PDE1A: variants seen among roughly 807,000 people sequenced by gnomAD.
The protein encoded by PDE1A is phosphodiesterase 1A.
A neutral mutation model predicts 61.7 loss-of-function variants in PDE1A; 35 were observed. The observed-to-expected ratio is 0.57, with a 90% CI of 0.43 to 0.75. The LOEUF (loss-of-function observed/expected upper bound fraction) is 0.75, where lower values mean the gene tolerates loss of function less well. PDE1A is among the 30% of genes least tolerant of loss of function. PDE1A has a pLI of 0.00. For synonymous variants in PDE1A, 232 were observed against 213.2 expected, an observed-to-expected ratio of 1.09 and a Z score of -0.77; for missense variants, 597 against 630.6, an observed-to-expected ratio of 0.95 and a Z score of 0.57.
the PDE1A span, among the ~76,000 whole-genome samples, chr2:182,570,882 G>A: frequency 5.3e-5 from 8 of 152,260 alleles, no homozygotes; most frequent in African/African-American, 1.9e-4. Context: ...GTTGCCTGTG[G>A]AGCACTGGGT....
the PDE1A span, among the ~76,000 whole-genome samples, chr2:182,627,165 AAAT>A: frequency 2.1e-4 from 7 of 33,738 alleles, 3 homozygotes; most frequent in Non-Finnish European, 3.8e-4. Flanking sequence ...TATAAAATAT[AAAT>A]AATATTTATA....
the PDE1A span, among the ~76,000 whole-genome samples, chr2:182,603,881 T>C: frequency 1.2e-3 from 181 of 152,278 alleles, 3 homozygotes; most frequent in East Asian, 0.033. Context: ...TTTAAACTCC[T>C]AAAATTTCAT....
intron 2 of PDE1A, among the ~76,000 whole-genome samples, chr2:182,484,077 G>C (rs1687863792): frequency 6.6e-6 from 1 of 151,864 alleles, no homozygotes; most frequent in Non-Finnish European, 1.5e-5. Context: ...AATCTGAATA[G>C]AACAATAAGT....
chr2:182,146,731 G>A (rs188344098), downstream of PDE1A, among the ~76,000 whole-genome samples: 19 of 152,156 alleles, frequency 1.2e-4, no homozygotes, highest in East Asian at 2.9e-3. Flanking sequence ...TGATTTGCCC[G>A]CCTTGGCCTC....
In PDE1A at chr2:182,310,780, T is replaced by C. The variant is rs116105175; in HGVS notation, c.54-46366A>G. 3.1e-3 allele frequency among the ~76,000 whole-genome samples: 470 copies of C among 152,312 alleles called. 1 individual carries two copies. The highest frequency in any genetic ancestry group is 0.024 in the South Asian group (115 of 4,822). The stretch of plus-strand genomic sequence containing the variant: ...CTGTGGCAGAGACATTGTTATGTGC[T>C]CATCAAACTCATTTCCTTCTTCTAG... On this transcript the variant is annotated intron_variant, in intron 1 of 13. Transcript: ENST00000351439.
At chr2:182,153,127 A>G (rs1690880825) in intron 13 of PDE1A, among the ~76,000 whole-genome samples, 1 of 152,320 alleles carries the variant, frequency 6.6e-6, no homozygotes, top group Admixed American at 6.5e-5. Context: ...ATTTATATGT[A>G]TATTCATCTG....
At chr2:182,300,092 T>A (rs940010010) in intron 1 of PDE1A, among the ~76,000 whole-genome samples, 5 of 152,212 alleles carry the variant, frequency 3.3e-5, no homozygotes, top group Non-Finnish European at 7.4e-5. Context: ...CAAGTTATTG[T>A]ACTTTGCAAA....
intron 13 of PDE1A, among the ~76,000 whole-genome samples, chr2:182,155,516 C>A (rs569455331): frequency 6.6e-6 from 1 of 152,244 alleles, no homozygotes; most frequent in South Asian, 2.1e-4. Flanking sequence ...ATGTATAATT[C>A]ATCTTTATAA....
Position 182,265,214 on chromosome 2 carries a change from T to C in PDE1A, c.54-800A>G, listed in dbSNP as rs183282870. Among the ~76,000 whole-genome samples, 80 of 151,330 alleles carry C rather than the reference T, an allele frequency of 5.3e-4. No individual in the cohort carries two copies. The East Asian group carries it at 7.8e-3, about 15-fold the overall frequency. ...CCAGAAATCACCACTAAAGAACTTA[T>C]CCACGTAACCAGAAACCACCTGTAC... is the stretch of plus-strand genomic sequence containing the variant. On this transcript the variant is annotated intron_variant, in intron 1 of 13. Transcript: ENST00000351439.
At chr2:182,519,907 C>T (rs1238319923) in intron 2 of PDE1A, among the ~76,000 whole-genome samples, 1 of 151,750 alleles carries the variant, frequency 6.6e-6, no homozygotes, top group Admixed American at 6.6e-5. Context: ...CAAAATAAGT[C>T]AATATATTTA....
chr2:182,201,103 CT>C (rs975685028), intron 10 of PDE1A, among the ~76,000 whole-genome samples: 4 of 152,152 alleles, frequency 2.6e-5, no homozygotes, highest in African/African-American at 9.7e-5. Flanking sequence ...GTTATATATC[CT>C]TATCTACTCT....
At chr2:182,169,074 C>A (rs905165542) in intron 13 of PDE1A, among the ~76,000 whole-genome samples, 4 of 151,814 alleles carry the variant, frequency 2.6e-5, no homozygotes, top group Non-Finnish European at 5.9e-5. Context: ...ATATAAATAT[C>A]ATAAATAATT....
At chr2:182,646,458 G>A in the PDE1A span, among the ~76,000 whole-genome samples, 20 of 150,538 alleles carry the variant, frequency 1.3e-4, no homozygotes, top group East Asian at 3.9e-4. Flanking sequence ...GGGAGGCCAC[G>A]GCGGGCAGAT....
chr2:182,626,772 CATATAT>C, the PDE1A span, among the ~76,000 whole-genome samples: 6 of 2,404 alleles, frequency 2.5e-3, no homozygotes, highest in Non-Finnish European at 6.0e-3. Flanking sequence ...CATATATATA[CATATAT>C]ATACATATAT....
At chr2:182,319,681 G>T (rs1696576974) in intron 1 of PDE1A, among the ~76,000 whole-genome samples, 1 of 152,076 alleles carries the variant, frequency 6.6e-6, no homozygotes, top group Non-Finnish European at 1.5e-5. Flanking sequence ...TTCCTAGCTG[G>T]CTCATTTGTA....
chr2:182,187,611 T>C (rs768778603), intron 11 of PDE1A, among the ~76,000 whole-genome samples: 1 of 152,186 alleles, frequency 6.6e-6, no homozygotes, highest in Non-Finnish European at 1.5e-5. Context: ...GGATTACTTA[T>C]AGTATATAAT....
At chr2:182,239,243 C>A (rs1690307920) in intron 3 of PDE1A, among the ~76,000 whole-genome samples, 1 of 152,116 alleles carries the variant, frequency 6.6e-6, no homozygotes. Context: ...AATGCAGTTT[C>A]TCTAAAATTT....
rs534669470 is a variant in PDE1A, at chr2:182,329,977, T to A, written c.54-65563A>T. On this transcript the variant is annotated intron_variant, in intron 1 of 13. Transcript: ENST00000351439. ...TGACTATTTAATAAACATTAGTTGT[T>A]GAATGAACCTCAAATTACCATCTGT... Among the ~76,000 whole-genome samples the A allele has an allele frequency of 1.2e-3, 185 of 152,288 alleles. 1 individual carries two copies. Among genetic ancestry groups the A allele is most frequent in the African/African-American group, 4.1e-3 (172 of 41,568 alleles).
chr2:182,295,780 GTTTGA>G (rs1295042507), intron 1 of PDE1A, among the ~76,000 whole-genome samples: 1 of 152,066 alleles, frequency 6.6e-6, no homozygotes, highest in African/African-American at 2.4e-5. Flanking sequence ...AGAAAAAAAT[GTTTGA>G]TTTAACATTA....
Sources: allele counts gnomAD v4.1 joint callset (sites outside exome capture counted in the v4.1 genomes callset), GRCh38; gene constraint gnomAD v4.1.1; transcripts MANE v1.5; gene names NCBI Gene and HGNC (gene_info 2026-07-23, HGNC 2026-07-21).